AGBL1: variants seen among roughly 807,000 people sequenced by gnomAD.
AGBL1 encodes cytosolic carboxypeptidase 4.
Under a neutral mutation model 118.9 loss-of-function variants are expected in AGBL1, and 130 were observed. The ratio of observed to expected loss-of-function variants is 1.09; its 90% CI spans 0.95 to 1.26. The LOEUF is 1.26. Among genes scored for constraint, AGBL1 ranks in the 50% most tolerant of loss-of-function variants. The pLI is 0.00. For synonymous variants in AGBL1, 555 were observed against 478.9 expected (o/e 1.16, Z -2.08); for missense variants, 1,584 against 1,298.1 (o/e 1.22, Z -3.38).
intron 22 of AGBL1, among the ~76,000 whole-genome samples, chr15:86,895,951 G>A (rs11073682): frequency 0.3 from 45,010 of 151,610 alleles, 9,412 homozygotes; most frequent in African/African-American, 0.6. Flanking sequence ...TCTTTCAACT[G>A]GTATCTTTTT....
intron 5 of AGBL1, among the ~76,000 whole-genome samples, chr15:86,214,488 A>G (rs1488416289): frequency 3.3e-5 from 5 of 152,248 alleles, no homozygotes; most frequent in Non-Finnish European, 7.3e-5. Context: ...ACATCCATGT[A>G]TAATGGACTT....
chr15:87,017,548 CAGA>C (rs1404796496), intron 24 of AGBL1, among the ~76,000 whole-genome samples: 1 of 152,086 alleles, frequency 6.6e-6, no homozygotes, highest in Non-Finnish European at 1.5e-5. Flanking sequence ...AGCAGTCCTA[CAGA>C]AGAATAGCTT....
intron 22 of AGBL1, among the ~76,000 whole-genome samples, chr15:86,887,733 T>C (rs1050292474): frequency 4.6e-5 from 7 of 152,124 alleles, no homozygotes; most frequent in African/African-American, 1.4e-4. Flanking sequence ...CCGCAGATCA[T>C]ACAATTAGGA....
chr15:86,221,225 A>G (rs1204874905), intron 5 of AGBL1, among the ~76,000 whole-genome samples: 1 of 152,064 alleles, frequency 6.6e-6, no homozygotes, highest in Non-Finnish European at 1.5e-5. Context: ...AAAAATGAAA[A>G]GAAGTCCTAT....
rs866647971 is a variant in AGBL1 at position 86,298,285 on chromosome 15, A to G, written c.2374+2877A>G. Among the ~76,000 whole-genome samples, 155 of 84,042 alleles carry G rather than the reference A, an allele frequency of 1.8e-3. 2 individuals carry two copies. The highest frequency in any genetic ancestry group is 9.1e-3 in the African/African-American group (140 of 15,456). The allele number at this position is 84,042 out of a possible 152,430, so 55.1% of individuals were successfully genotyped here. ...TATATATATATATATATATATGGTA[A>G]CTATATATATATGGTAGCTATATAT... On this transcript the variant is annotated intron_variant, in intron 17 of 22. Transcript: ENST00000614907.
intron 23 of AGBL1, among the ~76,000 whole-genome samples, chr15:86,969,208 A>G (rs2081083421): frequency 6.6e-6 from 1 of 151,920 alleles, no homozygotes; most frequent in South Asian, 2.1e-4. Flanking sequence ...TCAAGGTACA[A>G]CTCATTCTGA....
chr15:86,341,579 C>T (rs74508008), intron 17 of AGBL1, among the ~76,000 whole-genome samples: 6,795 of 152,246 alleles, frequency 0.045, 285 homozygotes, highest in East Asian at 0.21. Flanking sequence ...TCCTCAGGTG[C>T]CTTTTAAAGA....
chr15:86,455,447 A>G (rs927578482), intron 18 of AGBL1, among the ~76,000 whole-genome samples: 2 of 152,104 alleles, frequency 1.3e-5, no homozygotes, highest in Admixed American at 1.3e-4. Context: ...AATGCAAGAT[A>G]TCCTGCTTCC....
chr15:86,673,395 C>T (rs540406277), intron 21 of AGBL1, among the ~76,000 whole-genome samples: 66 of 152,292 alleles, frequency 4.3e-4, no homozygotes, highest in South Asian at 1.7e-3. Flanking sequence ...TCAAAAACCA[C>T]GCACTTTCTA....
intron 22 of AGBL1, among the ~76,000 whole-genome samples, chr15:86,691,928 C>T (rs926144537): frequency 6.6e-6 from 1 of 151,922 alleles, no homozygotes; most frequent in African/African-American, 2.4e-5. Flanking sequence ...TAAGGTGGTT[C>T]TTAAAAATAA....
chr15:86,421,699 G>A lies in AGBL1; in HGVS notation c.2555+24153G>A, dbSNP rs190897736. Reference sequence around the variant, plus strand: ...AAGACCAATCGGTGTGCTGTATTCAGGAGACCCATCTCACATGCAAAGACA... The same window carrying A: ...AAGACCAATCGGTGTGCTGTATTCAAGAGACCCATCTCACATGCAAAGACA... On this transcript the variant is annotated intron_variant, in intron 18 of 22. Coordinates refer to ENST00000614907, the MANE Select transcript of AGBL1 (RefSeq NM_001386094.1). Among the ~76,000 whole-genome samples the A allele has an allele frequency of 1.1e-3, 161 of 152,178 alleles. 1 individual carries two copies. In the East Asian group the frequency reaches 0.014, roughly 13 times the overall value.
chr15:86,276,383 C>A (rs1256520383), intron 15 of AGBL1, among the ~76,000 whole-genome samples: 2 of 152,214 alleles, frequency 1.3e-5, no homozygotes, highest in African/African-American at 4.8e-5. Flanking sequence ...GCTCTAGACA[C>A]TTAACCTCTG....
intron 18 of AGBL1, among the ~76,000 whole-genome samples, chr15:86,520,661 T>C (rs762726263): frequency 6.6e-6 from 1 of 152,194 alleles, no homozygotes; most frequent in South Asian, 2.1e-4. Context: ...TTTTCATTTA[T>C]ACAAGCAGAA....
chr15:86,249,835 A>G (rs1357652896), intron 7 of AGBL1, among the ~76,000 whole-genome samples: 3 of 152,258 alleles, frequency 2.0e-5, no homozygotes, highest in Non-Finnish European at 2.9e-5. Context: ...TACGATAGAA[A>G]GGTGGTGGAG....
intron 18 of AGBL1, among the ~76,000 whole-genome samples, chr15:86,509,370 G>A (rs753736066): frequency 2.6e-5 from 4 of 152,094 alleles, no homozygotes; most frequent in Non-Finnish European, 5.9e-5. Context: ...AGTGGCCTGG[G>A]AACAATAAGG....
rs150082376 is a variant in AGBL1, at chr15:86,349,665, G to T, written c.2375-47701G>T. Among the ~76,000 whole-genome samples the T allele has an allele frequency of 2.7e-4, 41 of 152,314 alleles. No homozygotes were observed. The South Asian group carries it at 3.7e-3, about 14-fold the overall frequency. On this transcript the variant is annotated intron_variant, in intron 17 of 22. Coordinates refer to ENST00000614907, the MANE Select transcript of AGBL1 (RefSeq NM_001386094.1). The stretch of plus-strand genomic sequence containing the variant: ...CACACAAGCCAGTTGCAATGAACCT[G>T]TCTTTACTTCTGTCAGTAGAGCATA...
At chr15:87,028,799 T>C (rs2081759431) in intron 24 of AGBL1, 2 of 1,599,164 alleles carry the variant, frequency 1.3e-6, no homozygotes, top group African/African-American at 2.7e-5. Flanking sequence ...AGCATAGTAA[T>C]TAATATATTT....
chr15:86,324,436 G>A (rs1044298955), intron 17 of AGBL1, among the ~76,000 whole-genome samples: 1 of 152,212 alleles, frequency 6.6e-6, no homozygotes, highest in Non-Finnish European at 1.5e-5. Context: ...GAATCATAGT[G>A]AGTGAAGGTC....
In AGBL1 at chr15:86,964,008, A is replaced by ACT. The variant is rs71460234; in HGVS notation, c.3222-23956_3222-23955dup. 8.3e-3 allele frequency among the ~76,000 whole-genome samples: 1,158 copies of ACT among 139,508 alleles called. 11 individuals are homozygous for ACT. Among genetic ancestry groups the ACT allele is most frequent in the Non-Finnish European group, 0.011 (705 of 64,198 alleles). 91.5% of individuals were successfully genotyped at this position (139,508 alleles called of 152,430 possible). On this transcript the variant is annotated intron_variant, in intron 23 of 24. Coordinates refer to the AGBL1 transcript ENST00000441037. ...ACTAATGGAAGATCTGAGCCAGGAA[A>ACT]CTCTCTCTCTCTCTCTCTCTCTCTG... is the stretch of plus-strand genomic sequence containing the variant.
Sources: gnomAD v4.1 joint callset for allele counts (sites outside exome capture counted in the v4.1 genomes callset) on GRCh38, gnomAD v4.1.1 for gene constraint, MANE v1.5 for transcripts, NCBI Gene and HGNC (gene_info 2026-07-23, HGNC 2026-07-21) for gene names.